The following DNASE2 variants were observed in gnomAD, a reference collection of about 807,000 sequenced individuals.
DNASE2 encodes the protein deoxyribonuclease-2-alpha.
Under a neutral mutation model 29.8 loss-of-function variants are expected in DNASE2, and 26 were observed. The ratio of observed to expected loss-of-function variants is 0.87; its 90% confidence interval spans 0.64 to 1.21. The LOEUF is 1.21. Ranked by LOEUF, DNASE2 falls within the 50% of genes most tolerant of loss-of-function variation. DNASE2 has a pLI of 0.00. For synonymous variants in DNASE2, 186 were observed against 193.5 expected, an observed-to-expected ratio of 0.96 and a Z score of 0.32; for missense variants, 415 against 455.6, an observed-to-expected ratio of 0.91 and a Z score of 0.81.
chr19:12,875,701 GCCC>G lies in DNASE2; in HGVS notation c.*286_*288del, dbSNP rs905113202. ...GAGCCACTGCACCCACCCGTCCCCC[GCCC>G]CCCCTTTTTTTTTGAAACAGAGTCT... On this transcript the variant is annotated 3_prime_UTR_variant, in exon 6 of 6. Coordinates refer to ENST00000222219, the MANE Select transcript of DNASE2 (RefSeq NM_001375.3). 5.1e-6 allele frequency: 1 copy of G among 196,668 alleles called. No individual in the cohort carries two copies. The highest frequency in any genetic ancestry group is 6.7e-5 in the Admixed American group (1 of 14,852). 12.2% of individuals were successfully genotyped at this position (196,668 alleles called of 1,614,324 possible).
rs1445456182 is a variant in DNASE2, at chr19:12,878,567, G to A, written c.524C>T (p.Thr175Ile). The change falls in exon 5 of 6, where the codon ACC (threonine) becomes ATC (isoleucine). Residue 175 changes from threonine to isoleucine, a missense_variant. By Grantham distance (89) the Thr-to-Ile change is moderately conservative. Coordinates refer to ENST00000222219, the MANE Select transcript of DNASE2 (RefSeq NM_001375.3). Reference sequence around the variant, plus strand: ...GTTATAGACCCAGGGGTAGGTGTAGGTCAGCTGCTTGCCTGGAGGACAAGG... The same window carrying A: ...GTTATAGACCCAGGGGTAGGTGTAGATCAGCTGCTTGCCTGGAGGACAAGG... ...AQFSKMGKQL[T>I]YTYPWVYNYQ... 2 of 1,613,690 alleles carry A rather than the reference G, an allele frequency of 1.2e-6. No homozygotes were observed. Among genetic ancestry groups the A allele is most frequent in the Non-Finnish European group, 8.5e-7 (1 of 1,179,926 alleles).
chr19:12,875,737 T>G lies in DNASE2; in HGVS notation c.*253A>C, dbSNP rs888795813. On this transcript the variant is annotated 3_prime_UTR_variant, in exon 6 of 6. Transcript: ENST00000222219. Reference sequence around the variant, plus strand: ...TTTTTTGAAACAGAGTCTTGCTATGTGACCCAGGTTGGCGTAATCATAGTT... The same window carrying G: ...TTTTTTGAAACAGAGTCTTGCTATGGGACCCAGGTTGGCGTAATCATAGTT... 9 of 324,880 alleles carry G rather than the reference T, an allele frequency of 2.8e-5. No homozygotes were observed. The highest frequency in any genetic ancestry group is 4.6e-5 in the Non-Finnish European group (8 of 174,706). 20.1% of individuals were successfully genotyped at this position (324,880 alleles called of 1,614,324 possible).
chr19:12,878,255 C>G (rs1196263081), intron 5 of DNASE2, 127 bp downstream of exon 5: 25 of 1,236,922 alleles, frequency 2.0e-5, no homozygotes, highest in Non-Finnish European at 2.8e-5. Flanking sequence ...CAGGTCTGTT[C>G]ACTGATCATG....
Position 12,875,985 on chromosome 19 carries a change from A to G in DNASE2, c.*5T>C. On this transcript the variant is annotated 3_prime_UTR_variant, in exon 6 of 6. Transcript: ENST00000222219. ...TACGTGAGCCACTGCACCTGGCCAT[A>G]AGGGTTAGATCTTATAAGCTCTGCT... The G allele has an allele frequency of 6.2e-7, 1 of 1,612,770 alleles. No homozygotes were observed. Among genetic ancestry groups the G allele is most frequent in the Non-Finnish European group, 8.5e-7 (1 of 1,179,978 alleles).
chr19:12,879,191 T>C (rs1159244881), intron 3 of DNASE2, among the ~76,000 whole-genome samples: 2 of 146,246 alleles, frequency 1.4e-5, no homozygotes, highest in East Asian at 4.1e-4. Flanking sequence ...AATAAATAAA[T>C]AAAAATTTAA....
In DNASE2 at chr19:12,877,527, C is replaced by A. The variant is rs935140112; in HGVS notation, c.709+855G>T. Among the ~76,000 whole-genome samples the A allele has an allele frequency of 2.0e-5, 3 of 151,934 alleles. No individual in the cohort carries two copies. In the East Asian group the frequency reaches 5.8e-4, roughly 29 times the overall value. ...ACAGGTGTGAGCCACTGTGCCTGGC[C>A]TATTTATTTGTATTTATTTATTTAT... On this transcript the variant is annotated intron_variant, in intron 5 of 5. Transcript: ENST00000222219.
rs1970307368 is a variant in DNASE2, at chr19:12,875,447, C to T, written c.*543G>A. 1 of 163,348 alleles carries T rather than the reference C, an allele frequency of 6.1e-6. No homozygotes were observed. The highest frequency in any genetic ancestry group is 1.6e-4 in the South Asian group (1 of 6,088). 10.1% of individuals were successfully genotyped at this position (163,348 alleles called of 1,614,324 possible). On this transcript the variant is annotated 3_prime_UTR_variant, in exon 6 of 6. Transcript: ENST00000222219. The stretch of plus-strand genomic sequence containing the variant: ...CATTCTGTCACCCAGGCTGAAGTGC[C>T]GTGGTGTTAGCTCAGCTCATGACAA...
In DNASE2 at chr19:12,875,701, G is replaced by GC. The variant is rs905113202; in HGVS notation, c.*288dup. On this transcript the variant is annotated 3_prime_UTR_variant, in exon 6 of 6. Transcript: ENST00000222219. ...GAGCCACTGCACCCACCCGTCCCCC[G>GC]CCCCCCCTTTTTTTTTGAAACAGAG... 88 of 197,942 alleles carry GC rather than the reference G, an allele frequency of 4.4e-4. No homozygotes were observed. Among genetic ancestry groups the GC allele is most frequent in the South Asian group, 7.8e-4 (14 of 17,982 alleles). The allele number at this position is 197,942 out of a possible 1,614,324, so 12.3% of individuals were successfully genotyped here.
At position 12,875,298 on chromosome 19, in the gene DNASE2, G is replaced by A. The variant is rs1474474271; in HGVS notation, c.*692C>T. 9.8e-6 allele frequency: 2 copies of A among 203,888 alleles called. No homozygotes were observed. The highest frequency in any genetic ancestry group is 2.0e-5 in the Non-Finnish European group (2 of 98,972). The allele number at this position is 203,888 out of a possible 1,614,324, so 12.6% of individuals were successfully genotyped here. On this transcript the variant is annotated 3_prime_UTR_variant, in exon 6 of 6. Coordinates refer to ENST00000222219, the MANE Select transcript of DNASE2 (RefSeq NM_001375.3). Reference sequence around the variant, plus strand: ...GCAGACAGGTAGACTGTGTCACAGAGCGGTTAAGGCACACAATCAAGGTCA... The same window carrying A: ...GCAGACAGGTAGACTGTGTCACAGAACGGTTAAGGCACACAATCAAGGTCA...
rs1325737383 is a variant in DNASE2, at chr19:12,875,917, A to T, written c.*73T>A. ...AGGCTGGTCTCGAATTCCTGAGTTC[A>T]AGTGATCCTCCCTCCTTGGCTTCCC... is the stretch of plus-strand genomic sequence containing the variant. On this transcript the variant is annotated 3_prime_UTR_variant, in exon 6 of 6. Transcript: ENST00000222219. 1 of 1,587,860 alleles carries T rather than the reference A, an allele frequency of 6.3e-7. No individual in the cohort carries two copies. Among genetic ancestry groups the T allele is most frequent in the African/African-American group, 1.3e-5 (1 of 74,462 alleles).
chr19:12,879,588 A>C (rs1038661086), intron 3 of DNASE2, among the ~76,000 whole-genome samples: 2 of 151,950 alleles, frequency 1.3e-5, no homozygotes, highest in African/African-American at 4.8e-5. Flanking sequence ...GGGCTTAGAG[A>C]GGGTGCCAGC....
chr19:12,880,821 G>T lies in DNASE2; in HGVS notation c.327C>A (p.Ser109=), dbSNP rs1970371571. 6.2e-7 allele frequency: 1 copy of T among 1,614,226 alleles called. No homozygotes were observed. Among genetic ancestry groups the T allele is most frequent in the East Asian group, 2.2e-5 (1 of 44,892 alleles). Residue 109 remains serine (S), a synonymous_variant, in exon 3 of 6, where the codon TCC becomes TCA. Transcript: ENST00000222219. The stretch of plus-strand genomic sequence containing the variant: ...CCTCACCCTTCGTGTGCCCACGCAT[G>T]GAAGAGTCCTGAGCCTTGCTGGGTT... The part of the protein sequence containing the change: ...PPQPSKAQDS[S]MRGHTKGVLL...
chr19:12,878,868 C>G, intron 3 of DNASE2, 34 bp from the exon 4 acceptor site: 2 of 1,595,826 alleles, frequency 1.3e-6, no homozygotes, highest in East Asian at 4.6e-5. Flanking sequence ...GGAGGTCGGG[C>G]GCAGTGGCTC....
Position 12,881,424 on chromosome 19 carries a change from G to T in DNASE2, c.-49C>A. The T allele has an allele frequency of 1.9e-6, 3 of 1,547,010 alleles. No homozygotes were observed. The highest frequency in any genetic ancestry group is 2.6e-6 in the Non-Finnish European group (3 of 1,146,038). On this transcript the variant is annotated 5_prime_UTR_variant, in exon 1 of 6. Coordinates refer to ENST00000222219, the MANE Select transcript of DNASE2 (RefSeq NM_001375.3). ...GGAATCTGTGTCGGGACTGCGGGGC[G>T]CTGGGTTACATCAGAGGCCAGGACT...
intron 3 of DNASE2, 115 bp downstream of exon 3, chr19:12,880,687 G>A (rs1347326476): frequency 5.8e-6 from 8 of 1,388,250 alleles, no homozygotes; most frequent in Non-Finnish European, 6.1e-6. Flanking sequence ...AAGTTGGGGG[G>A]AATAGATGCC....
chr19:12,880,144 T>A (rs1257520048), intron 3 of DNASE2, among the ~76,000 whole-genome samples: 3 of 111,390 alleles, frequency 2.7e-5, no homozygotes, highest in Admixed American at 1.0e-4. Flanking sequence ...TGGTGGGGGG[T>A]ACCGGCAGGC....
chr19:12,878,881 G>A (rs759616759), intron 3 of DNASE2, 47 bp from the exon 4 acceptor site: 40 of 1,581,904 alleles, frequency 2.5e-5, no homozygotes, highest in East Asian at 2.3e-5. Context: ...AGTGGCTCAC[G>A]CCTGTAATCC....
chr19:12,878,175 A>C, intron 5 of DNASE2: 1 of 638,050 alleles, frequency 1.6e-6, no homozygotes, highest in Non-Finnish European at 2.7e-6. Flanking sequence ...CAGTATCCCC[A>C]TTTTTCAGAT....
chr19:12,877,280 C>A (rs1568418143), intron 5 of DNASE2, among the ~76,000 whole-genome samples: 1 of 151,884 alleles, frequency 6.6e-6, no homozygotes. Flanking sequence ...ATTTTGACAC[C>A]CCAGCTGGAG....
Sources: gnomAD v4.1 joint callset for allele counts (sites outside exome capture counted in the v4.1 genomes callset) on GRCh38, gnomAD v4.1.1 for gene constraint, MANE v1.5 for transcripts, NCBI Gene and HGNC (gene_info 2026-07-23, HGNC 2026-07-21) for gene names.